Variants in IQGAP2 observed in about 807,000 individuals in gnomAD.
The protein encoded by IQGAP2 is IQ motif containing GTPase activating protein 2.
A neutral mutation model predicts 201.3 loss-of-function variants in IQGAP2; 173 were observed. The ratio of observed to expected loss-of-function variants is 0.86; its 90% CI spans 0.76 to 0.98. The LOEUF (loss-of-function observed/expected upper bound fraction) is 0.98. IQGAP2 is among the 50% of genes least tolerant of loss of function. IQGAP2 has a pLI of 0.00. For missense variants in IQGAP2, 1,687 were observed against 1,864.8 expected (o/e 0.90, Z 1.76); for synonymous variants, 675 against 673.9 (o/e 1.00, Z -0.03).
At chr5:76,643,923 T>A (rs1039586887) in intron 17 of IQGAP2, among the ~76,000 whole-genome samples, 4 of 22,606 alleles carry the variant, frequency 1.8e-4, no homozygotes, top group Non-Finnish European at 3.4e-4. Flanking sequence ...GATGGCTGGA[T>A]TTTTTTTACC....
chr5:76,446,803 C>A (rs575512127), intron 1 of IQGAP2, among the ~76,000 whole-genome samples: 1 of 152,280 alleles, frequency 6.6e-6, no homozygotes, highest in South Asian at 2.1e-4. Context: ...CTTTTATGAA[C>A]AGACTTAGCA....
intron 1 of IQGAP2, among the ~76,000 whole-genome samples, chr5:76,431,579 T>C (rs945067047): frequency 2.0e-5 from 3 of 151,962 alleles, no homozygotes; most frequent in Non-Finnish European, 2.9e-5. Context: ...AATCCCAACA[T>C]TTTGGGAGGC....
chr5:76,525,955 G>A (rs1235013723), intron 2 of IQGAP2, among the ~76,000 whole-genome samples: 3 of 152,174 alleles, frequency 2.0e-5, no homozygotes, highest in African/African-American at 4.8e-5. Context: ...CTGGTGGGTG[G>A]TCCATACATT....
intron 2 of IQGAP2, among the ~76,000 whole-genome samples, chr5:76,504,078 C>T (rs571522996): frequency 1.8e-4 from 28 of 152,216 alleles, no homozygotes; most frequent in Non-Finnish European, 2.9e-5. Flanking sequence ...AAAGCTGGCA[C>T]TGACTTTGGC....
chr5:76,612,447 A>G (rs1261045906), intron 13 of IQGAP2, among the ~76,000 whole-genome samples: 4 of 151,994 alleles, frequency 2.6e-5, no homozygotes, highest in African/African-American at 9.6e-5. Flanking sequence ...GCGAGCTGAG[A>G]TCGCACCATT....
intron 28 of IQGAP2, 133 bp downstream of exon 28, chr5:76,677,483 G>T (rs779818938): frequency 1.4e-6 from 1 of 700,714 alleles, no homozygotes; most frequent in Non-Finnish European, 2.2e-6. Flanking sequence ...TAAAAATCTC[G>T]CAATTATTTA....
chr5:76,699,867 C>CT (rs1747181542), intron 33 of IQGAP2, among the ~76,000 whole-genome samples: 9 of 108,892 alleles, frequency 8.3e-5, no homozygotes, highest in African/African-American at 2.8e-4. Flanking sequence ...CTCTCTCTCT[C>CT]CATATATAGT....
intron 17 of IQGAP2, among the ~76,000 whole-genome samples, chr5:76,646,912 G>A (rs1479788125): frequency 6.6e-6 from 1 of 152,022 alleles, no homozygotes; most frequent in Non-Finnish European, 1.5e-5. Context: ...TTGACATGTA[G>A]AAAACTTATC....
chr5:76,690,594 T>G (rs1746180174), intron 30 of IQGAP2, among the ~76,000 whole-genome samples: 2 of 152,216 alleles, frequency 1.3e-5, no homozygotes, highest in Non-Finnish European at 2.9e-5. Context: ...TATTGTACTC[T>G]CCAAAAGAAA....
intron 30 of IQGAP2, among the ~76,000 whole-genome samples, chr5:76,691,057 A>G (rs1746216916): frequency 6.6e-6 from 1 of 152,386 alleles, no homozygotes; most frequent in East Asian, 1.9e-4. Context: ...AATATGCAAC[A>G]AGAGTCCAAG....
intron 17 of IQGAP2, among the ~76,000 whole-genome samples, chr5:76,644,295 C>CATTTTTTTTTTTTTTTTTTTTTTTTTTT (rs1751838696): frequency 2.1e-5 from 1 of 47,778 alleles, no homozygotes; most frequent in African/African-American, 7.2e-5. Context: ...TTTGTAAATC[C>CATTTTTTTTTTTTTTTTTTTTTTTTTTT]TTTTTTTTTT....
At chr5:76,620,465 G>C (rs1749537437) in intron 13 of IQGAP2, among the ~76,000 whole-genome samples, 1 of 152,190 alleles carries the variant, frequency 6.6e-6, no homozygotes, top group Non-Finnish European at 1.5e-5. Flanking sequence ...GCCATTAACT[G>C]AGTTGGAGGG....
intron 5 of IQGAP2, among the ~76,000 whole-genome samples, chr5:76,583,882 T>C (rs1229526150): frequency 3.9e-5 from 6 of 152,116 alleles, no homozygotes; most frequent in African/African-American, 1.4e-4. Flanking sequence ...AAATTTTTTT[T>C]TTTTTTGAGA....
intron 1 of IQGAP2, among the ~76,000 whole-genome samples, chr5:76,406,567 G>C (rs189852519): frequency 6.6e-6 from 1 of 152,200 alleles, no homozygotes; most frequent in South Asian, 2.1e-4. Context: ...TGACACTTAC[G>C]CTTAGGTGTG....
chr5:76,427,652 G>T lies in IQGAP2; in HGVS notation c.46+24061G>T, dbSNP rs1752086203. 2.6e-5 allele frequency among the ~76,000 whole-genome samples: 4 copies of T among 152,214 alleles called. No individual in the cohort carries two copies. The South Asian group carries it at 8.3e-4, about 32-fold the overall frequency. The stretch of plus-strand genomic sequence containing the variant: ...ATGCGCGTGTGTCATGTGAGGATTT[G>T]GTGAAATTGCAGATTCTGTTCCCGC... On this transcript the variant is annotated intron_variant, in intron 1 of 35. Coordinates refer to ENST00000274364, the MANE Select transcript of IQGAP2 (RefSeq NM_006633.5).
At chr5:76,539,723 G>A (rs1005643177) in intron 2 of IQGAP2, among the ~76,000 whole-genome samples, 5 of 152,264 alleles carry the variant, frequency 3.3e-5, no homozygotes, top group African/African-American at 1.2e-4. Context: ...ACCTCCTGGG[G>A]AAGCCATAGG....
chr5:76,503,793 A>T (rs1554062313), intron 2 of IQGAP2, among the ~76,000 whole-genome samples: 1 of 151,820 alleles, frequency 6.6e-6, no homozygotes, highest in Non-Finnish European at 1.5e-5. Context: ...GGGTTTCACC[A>T]TGTTGGCCAG....
At chr5:76,445,504 G>T (rs1293045272) in intron 1 of IQGAP2, among the ~76,000 whole-genome samples, 2 of 132,708 alleles carry the variant, frequency 1.5e-5, no homozygotes, top group Non-Finnish European at 3.2e-5. Flanking sequence ...CGCTCTTGTT[G>T]CCCAGGCTGG....
At chr5:76,682,954 A>G (rs540484796) in intron 28 of IQGAP2, among the ~76,000 whole-genome samples, 161 bp from the exon 29 acceptor site, 1 of 152,328 alleles carries the variant, frequency 6.6e-6, no homozygotes, top group African/African-American at 2.4e-5. Flanking sequence ...TCCCTCTGAG[A>G]TACAATAAAA....
Sources: gnomAD v4.1 joint callset for allele counts (sites outside exome capture counted in the v4.1 genomes callset) on GRCh38, gnomAD v4.1.1 for gene constraint, MANE v1.5 for transcripts, NCBI Gene and HGNC (gene_info 2026-07-23, HGNC 2026-07-21) for gene names.